The following EXTL1 variants were observed in gnomAD, a reference collection of about 807,000 sequenced individuals.
EXTL1 encodes exostosin like glycosyltransferase 1, also known as exostosin-like 1.
In EXTL1, 43 loss-of-function variants were observed where a neutral mutation model predicts 64.6. That is an observed-to-expected ratio of 0.67 (90% CI 0.52 to 0.86). The LOEUF (loss-of-function observed/expected upper bound fraction) is 0.86. EXTL1 is among the 40% of genes least tolerant of loss of function. The probability of loss-of-function intolerance (pLI) is 0.00; values close to 1 mark genes in which losing one functional copy is unlikely to be tolerated. For synonymous variants in EXTL1, 352 were observed against 360.5 expected, an observed-to-expected ratio of 0.98 and a Z score of 0.27; for missense variants, 766 against 879.0, an observed-to-expected ratio of 0.87 and a Z score of 1.62.
chr1:26,026,708 G>C (rs1366767901), intron 1 of EXTL1, among the ~76,000 whole-genome samples: 1 of 152,188 alleles, frequency 6.6e-6, no homozygotes, highest in African/African-American at 2.4e-5. Flanking sequence ...AGGGCACATG[G>C]AAGTCACAAT....
chr1:26,034,783 G>A lies in EXTL1; in HGVS notation c.1680-53G>A. The A allele has an allele frequency of 6.4e-7, 1 of 1,570,730 alleles. No individual in the cohort carries two copies. The highest frequency in any genetic ancestry group is 1.2e-5 in the South Asian group (1 of 86,734). Reference sequence around the variant, plus strand: ...GTGAGGTCAGGAGGGAGGAGAATGGGGCCTGGGGATGGATTTGGCTGCAGC... The same window carrying A: ...GTGAGGTCAGGAGGGAGGAGAATGGAGCCTGGGGATGGATTTGGCTGCAGC... On this transcript the variant is annotated intron_variant, in intron 9 of 10. Coordinates refer to ENST00000374280, the MANE Select transcript of EXTL1 (RefSeq NM_004455.3). The surrounding 1 kb of genome is among the most constrained non-coding windows in gnomAD (Gnocchi z 4.6).
At position 26,035,222 on chromosome 1, in the gene EXTL1, A is replaced by T; in HGVS notation, c.1906A>T (p.Asn636Tyr). 1 of 1,613,496 alleles carries T rather than the reference A, an allele frequency of 6.2e-7. No homozygotes were observed. The highest frequency in any genetic ancestry group is 8.5e-7 in the Non-Finnish European group (1 of 1,179,846). ...GCCTGCCCCAGCCCCCGACTGCATC[A>T]ACCAGATAGCGGCAGCGTTCGGCCA... ...KPPAPAPDCINQIAAAFGHMP... is the reference protein window; with the variant it reads ...KPPAPAPDCIYQIAAAFGHMP... The change falls in exon 11 of 11, where the codon AAC becomes TAC. Residue 636 changes from asparagine (N) to tyrosine (Y), a missense_variant. By Grantham distance (143) the Asn-to-Tyr change is moderately radical (BLOSUM62 -2). Coordinates refer to ENST00000374280, the MANE Select transcript of EXTL1 (RefSeq NM_004455.3). The surrounding 1 kb of genome is among the most constrained non-coding windows in gnomAD (Gnocchi z 5.3).
In EXTL1 at chr1:26,022,590, T is replaced by C; in HGVS notation, c.-57T>C. On this transcript the variant is annotated 5_prime_UTR_variant, in exon 1 of 11. Transcript: ENST00000374280. ...TGGTCTCCCGCCCCAGGCCCTGCTC[T>C]TCCTGCTTGCTGGCAGAGGCCTCCC... The C allele has an allele frequency of 6.8e-7, 1 of 1,465,870 alleles. No individual in the cohort carries two copies. The highest frequency in any genetic ancestry group is 9.2e-7 in the Non-Finnish European group (1 of 1,081,430). 90.8% of individuals were successfully genotyped at this position (1,465,870 alleles called of 1,614,324 possible).
At position 26,035,469 on chromosome 1, in the gene EXTL1, A is replaced by C. The variant is rs1054199546; in HGVS notation, c.*122A>C. On this transcript the variant is annotated 3_prime_UTR_variant, in exon 11 of 11. Transcript: ENST00000374280. This position sits in a 1 kb window ranked among gnomAD's most constrained non-coding sequence, Gnocchi z 5.3. ...CTATCATGTCAGCCAGCGGGCCCAC[A>C]CGTCGGACCCCGGTTGGCCAATCAC... is the stretch of plus-strand genomic sequence containing the variant. 1 of 897,544 alleles carries C rather than the reference A, an allele frequency of 1.1e-6. No individual in the cohort carries two copies. The highest frequency in any genetic ancestry group is 1.6e-6 in the Non-Finnish European group (1 of 606,090). 55.6% of individuals were successfully genotyped at this position (897,544 alleles called of 1,614,324 possible). A position where few individuals can be genotyped will look rare whatever the true frequency, so the allele number is the denominator to read the frequency against.
chr1:26,036,431 C>T lies in EXTL1; in HGVS notation c.*1084C>T, dbSNP rs989064996. ...GAATTATCACTTCCGAAATAAAGCG[C>T]GTGTCCTTGCCCCCTCACGCTCCAG... On this transcript the variant is annotated 3_prime_UTR_variant, in exon 11 of 11. Coordinates refer to ENST00000374280, the MANE Select transcript of EXTL1 (RefSeq NM_004455.3). This position sits in a 1 kb window ranked among gnomAD's most constrained non-coding sequence, Gnocchi z 5.2. The T allele has an allele frequency of 1.3e-5, 2 of 152,248 alleles. No individual in the cohort carries two copies. The highest frequency in any genetic ancestry group is 3.9e-4 in the East Asian group (2 of 5,192). The allele number at this position is 152,248 out of a possible 1,614,324, so 9.4% of individuals were successfully genotyped here. A position where few individuals can be genotyped will look rare whatever the true frequency, so the allele number is the denominator to read the frequency against.
At chr1:26,030,409 T>C in intron 3 of EXTL1, 67 bp from the exon 4 acceptor site, 2 of 1,497,048 alleles carry the variant, frequency 1.3e-6, no homozygotes, top group Admixed American at 1.7e-5. Flanking sequence ...TATGGCTCAC[T>C]GCAGCGTCGA....
chr1:26,028,814 G>T (rs528431764), intron 1 of EXTL1, among the ~76,000 whole-genome samples: 3 of 152,186 alleles, frequency 2.0e-5, no homozygotes. Flanking sequence ...GCCTGTGGCC[G>T]AGTGGGGGAG....
Position 26,035,681 on chromosome 1 carries a change from G to T in EXTL1, c.*334G>T. On this transcript the variant is annotated 3_prime_UTR_variant, in exon 11 of 11. Transcript: ENST00000374280. This position sits in a 1 kb window ranked among gnomAD's most constrained non-coding sequence, Gnocchi z 5.3. Reference sequence around the variant, plus strand: ...CTCCCCCTCCGCCCCCAATGGGTTCGGTCTCCTTTGCGCTTTCGCAGTCCA... The same window carrying T: ...CTCCCCCTCCGCCCCCAATGGGTTCTGTCTCCTTTGCGCTTTCGCAGTCCA... 1 of 268,328 alleles carries T rather than the reference G, an allele frequency of 3.7e-6. No individual in the cohort carries two copies. Among genetic ancestry groups the T allele is most frequent in the Non-Finnish European group, 7.1e-6 (1 of 141,486 alleles). The allele number at this position is 268,328 out of a possible 1,614,324, so 16.6% of individuals were successfully genotyped here.
At chr1:26,028,370 G>A (rs2050240781) in intron 1 of EXTL1, among the ~76,000 whole-genome samples, 1 of 152,254 alleles carries the variant, frequency 6.6e-6, no homozygotes, top group South Asian at 2.1e-4. Flanking sequence ...GCTTCTTGGA[G>A]GTTCAGGCTC....
chr1:26,029,612 C>T lies in EXTL1; in HGVS notation c.886C>T (p.Pro296Ser). 6.2e-7 allele frequency: 1 copy of T among 1,607,634 alleles called. No homozygotes were observed. Among genetic ancestry groups the T allele is most frequent in the South Asian group, 1.1e-5 (1 of 90,238 alleles). The change falls in exon 3 of 11, where the codon CCA becomes TCA. Residue 296 changes from proline (P) to serine (S), a missense_variant. Transcript: ENST00000374280. ...FLQALQAGCIPVLLSPRWELP... is the reference protein window; with the variant it reads ...FLQALQAGCISVLLSPRWELP... ...CCCCGCCCCCCAGGCCGGCTGCATCCCAGTGCTTCTCAGCCCCCGCTGGGA... is the reference window on the plus strand; with the variant it reads ...CCCCGCCCCCCAGGCCGGCTGCATCTCAGTGCTTCTCAGCCCCCGCTGGGA...
intron 2 of EXTL1, 61 bp downstream of exon 2, chr1:26,029,347 G>A (rs1287241062): frequency 1.2e-5 from 16 of 1,368,458 alleles, no homozygotes; most frequent in Non-Finnish European, 1.7e-5. Flanking sequence ...AGCTGGCAGG[G>A]TACTCTGGGT....
Position 26,035,175 on chromosome 1 carries a change from G to A in EXTL1, c.1859G>A (p.Gly620Asp), listed in dbSNP as rs1476462480. ...RQEAAPLAPG[G>D]PGPRPKPPAP... ...TTCTTTCCCTCTTAGGCGCCTGGGG[G>A]CCCGGGGCCCAGGCCAAAGCCGCCT... The change falls in exon 11 of 11, where the codon GGC becomes GAC. Residue 620 changes from glycine to aspartate, a missense_variant. By Grantham distance (94) the Gly-to-Asp change is moderately conservative (BLOSUM62 -1). Coordinates refer to ENST00000374280, the MANE Select transcript of EXTL1 (RefSeq NM_004455.3). This position sits in a 1 kb window ranked among gnomAD's most constrained non-coding sequence, Gnocchi z 5.3. The A allele has an allele frequency of 1.9e-6, 3 of 1,602,254 alleles. No homozygotes were observed. The highest frequency in any genetic ancestry group is 2.2e-5 in the East Asian group (1 of 44,596).
Position 26,035,894 on chromosome 1 carries a change from G to T in EXTL1, c.*547G>T, listed in dbSNP as rs570965985. Reference sequence around the variant, plus strand: ...GCGGCGGCGGGACAGGGTGAGCGGAGAGACAGAACTGTCCCCGCCCCACCC... The same window carrying T: ...GCGGCGGCGGGACAGGGTGAGCGGATAGACAGAACTGTCCCCGCCCCACCC... On this transcript the variant is annotated 3_prime_UTR_variant, in exon 11 of 11. Transcript: ENST00000374280. This position sits in a 1 kb window ranked among gnomAD's most constrained non-coding sequence, Gnocchi z 5.3. 2.6e-5 allele frequency: 4 copies of T among 152,734 alleles called. No homozygotes were observed. Among genetic ancestry groups the T allele is most frequent in the African/African-American group, 9.6e-5 (4 of 41,596 alleles). The allele number at this position is 152,734 out of a possible 1,614,324, so 9.5% of individuals were successfully genotyped here.
rs145788870 is a variant in EXTL1, at chr1:26,035,203, C to T, written c.1887C>T (p.Ala629=). 76 of 1,612,158 alleles carry T rather than the reference C, an allele frequency of 4.7e-5. 1 individual carries two copies. In the African/African-American group the frequency reaches 1.0e-3, roughly 21 times the overall value. The change falls in exon 11 of 11, where the codon GCC becomes GCT. Residue 629 remains alanine, a synonymous_variant. Coordinates refer to ENST00000374280, the MANE Select transcript of EXTL1 (RefSeq NM_004455.3). This position sits in a 1 kb window ranked among gnomAD's most constrained non-coding sequence, Gnocchi z 5.3. ...GGPGPRPKPP[A]PAPDCINQIA... ...CGGGGCCCAGGCCAAAGCCGCCTGCCCCAGCCCCCGACTGCATCAACCAGA... is the reference window on the plus strand; with the variant it reads ...CGGGGCCCAGGCCAAAGCCGCCTGCTCCAGCCCCCGACTGCATCAACCAGA...
chr1:26,033,851 C>T lies in EXTL1; in HGVS notation c.1674C>T (p.Tyr558=), dbSNP rs749293617. 6.2e-7 allele frequency: 1 copy of T among 1,613,356 alleles called. No individual in the cohort carries two copies. The highest frequency in any genetic ancestry group is 1.7e-5 in the Admixed American group (1 of 59,950). The part of the protein sequence containing the change: ...FSMVLTTAAF[Y]HRYYHTLFTH... ...TGGTTCTCACCACAGCCGCCTTCTA[C>T]CATAGGTACAGACCCCTACCCTGCA... Residue 558 remains tyrosine, a synonymous_variant, in exon 9 of 11, where the codon TAC becomes TAT. Coordinates refer to ENST00000374280, the MANE Select transcript of EXTL1 (RefSeq NM_004455.3). This position sits in a 1 kb window ranked among gnomAD's most constrained non-coding sequence, Gnocchi z 5.1.
In EXTL1 at chr1:26,023,218, G is replaced by A. The variant is rs747096998; in HGVS notation, c.572G>A (p.Arg191Gln). Residue 191 changes from arginine (R) to glutamine (Q), a missense_variant, in exon 1 of 11, where the codon CGG (arginine) becomes CAG (glutamine). Physicochemically the swap from Arg to Gln is conservative, Grantham distance 43. Coordinates refer to ENST00000374280, the MANE Select transcript of EXTL1 (RefSeq NM_004455.3). ...AEASPTVDSF[R>Q]PGFDVALPFL... Reference sequence around the variant, plus strand: ...GCCAGCCCCACGGTGGACTCCTTCCGGCCCGGCTTTGATGTGGCCCTCCCT... The same window carrying A: ...GCCAGCCCCACGGTGGACTCCTTCCAGCCCGGCTTTGATGTGGCCCTCCCT... 43 of 1,610,674 alleles carry A rather than the reference G, an allele frequency of 2.7e-5. No homozygotes were observed. Among genetic ancestry groups the A allele is most frequent in the Non-Finnish European group, 3.2e-5 (38 of 1,177,898 alleles).
chr1:26,030,633 C>T (rs766975749), intron 4 of EXTL1, 38 bp downstream of exon 4: 4 of 1,583,080 alleles, frequency 2.5e-6, no homozygotes, highest in Non-Finnish European at 3.4e-6. Context: ...TGGCTCTTGA[C>T]TCCTGCTTCA....
Position 26,023,292 on chromosome 1 carries a change from C to A in EXTL1, c.646C>A (p.Arg216=). 4 of 1,571,310 alleles carry A rather than the reference C, an allele frequency of 2.5e-6. No individual in the cohort carries two copies. Among genetic ancestry groups the A allele is most frequent in the Non-Finnish European group, 3.5e-6 (4 of 1,154,958 alleles). Reference sequence around the variant, plus strand: ...GCGAGGTGGGGCTCCTGGCCAGCTGCGGCAACACAGCCCCCAGCCCGGGGT... The same window carrying A: ...GCGAGGTGGGGCTCCTGGCCAGCTGAGGCAACACAGCCCCCAGCCCGGGGT... ...PLRGGAPGQL[R]QHSPQPGVAL... is the part of the protein sequence containing the mutation. The change falls in exon 1 of 11, where the codon CGG becomes AGG. Residue 216 remains arginine (R), a synonymous_variant. Transcript: ENST00000374280.
intron 6 of EXTL1, 106 bp from the exon 7 acceptor site, chr1:26,032,290 G>A: frequency 1.4e-6 from 1 of 720,046 alleles, no homozygotes; most frequent in Non-Finnish European, 2.4e-6. Flanking sequence ...AGTTTACAAA[G>A]CTGACTTCTC....
Sources: gnomAD v4.1 joint callset for allele counts (sites outside exome capture counted in the v4.1 genomes callset) on GRCh38, gnomAD v4.1.1 for gene constraint, Gnocchi (gnomAD v3.1) non-coding constraint, MANE v1.5 for transcripts, NCBI Gene and HGNC (gene_info 2026-07-23, HGNC 2026-07-21) for gene names.